The following BMPR1B variants were observed in gnomAD, a reference collection of about 807,000 sequenced individuals.
BMPR1B encodes bone morphogenetic protein receptor type 1B.
In BMPR1B, 12 loss-of-function variants were observed where a neutral mutation model predicts 59.1. The ratio of observed to expected loss-of-function variants is 0.20; its 90% CI spans 0.13 to 0.33. The LOEUF is 0.33. Among genes scored for constraint, BMPR1B ranks in the 10% least tolerant of loss-of-function variants. The pLI, the probability that BMPR1B is intolerant of heterozygous loss-of-function variation, is 1.00. For missense variants in BMPR1B, 550 were observed against 610.9 expected, an observed-to-expected ratio of 0.90 and a Z score of 1.05; for synonymous variants, 237 against 207.3, an observed-to-expected ratio of 1.14 and a Z score of -1.23.
chr4:94,931,173 C>G (rs1159090807), intron 2 of BMPR1B, among the ~76,000 whole-genome samples: 2 of 152,084 alleles, frequency 1.3e-5, no homozygotes, highest in South Asian at 2.1e-4. Flanking sequence ...TTCTCCTCCT[C>G]TATTGAAAAT....
Position 95,155,355 on chromosome 4 carries a change from A to C in BMPR1B, c.*682A>C, listed in dbSNP as rs1438126530. On this transcript the variant is annotated 3_prime_UTR_variant, in exon 13 of 13. Transcript: ENST00000515059. ...GCTTCAGGCAATATGGAACAAATGA[A>C]GGTTTATGTGACTCTAATAGAAGTA... 1 of 152,104 alleles carries C rather than the reference A, an allele frequency of 6.6e-6. No individual in the cohort carries two copies. The allele number at this position is 152,104 out of a possible 1,614,324, so 9.4% of individuals were successfully genotyped here. A position where few individuals can be genotyped will look rare whatever the true frequency, so the allele number is the denominator to read the frequency against.
chr4:94,900,303 T>G (rs1486771802), intron 2 of BMPR1B, among the ~76,000 whole-genome samples: 3 of 137,194 alleles, frequency 2.2e-5, no homozygotes, highest in Non-Finnish European at 4.6e-5. Context: ...TTACATAGCA[T>G]CCGGTAACAT....
At chr4:94,929,290 A>G (rs921692655) in intron 2 of BMPR1B, among the ~76,000 whole-genome samples, 1 of 152,076 alleles carries the variant, frequency 6.6e-6, no homozygotes. Context: ...GAGAAACTAA[A>G]CTAGAATCAC....
chr4:94,768,700 T>A (rs1315848962), intron 1 of BMPR1B, among the ~76,000 whole-genome samples: 1 of 149,558 alleles, frequency 6.7e-6, no homozygotes, highest in Non-Finnish European at 1.5e-5. Flanking sequence ...TTTGGTATTT[T>A]GTAGGCATAG....
intron 1 of BMPR1B, among the ~76,000 whole-genome samples, chr4:94,786,734 T>C (rs985980846): frequency 9.2e-5 from 14 of 151,938 alleles, no homozygotes; most frequent in Admixed American, 5.9e-4. Flanking sequence ...TTAGTAGAGA[T>C]GGGGCTTCAC....
intron 2 of BMPR1B, among the ~76,000 whole-genome samples, chr4:94,994,529 T>C (rs1194100544): frequency 2.6e-5 from 4 of 152,236 alleles, no homozygotes; most frequent in Non-Finnish European, 5.9e-5. Context: ...TTTCTGGAAT[T>C]AGACCTGGAA....
chr4:95,031,520 G>A (rs1487207929), intron 3 of BMPR1B, among the ~76,000 whole-genome samples: 1 of 151,988 alleles, frequency 6.6e-6, no homozygotes, highest in Non-Finnish European at 1.5e-5. Flanking sequence ...ATTCACAGAT[G>A]CAATCATAGT....
intron 1 of BMPR1B, among the ~76,000 whole-genome samples, chr4:94,763,580 C>T (rs1313855061): frequency 6.6e-6 from 1 of 152,184 alleles, no homozygotes; most frequent in African/African-American, 2.4e-5. Flanking sequence ...AAAAAAGATA[C>T]AATCCAGTAT....
intron 2 of BMPR1B, among the ~76,000 whole-genome samples, chr4:94,942,324 A>T (rs1199873788): frequency 6.6e-6 from 1 of 152,234 alleles, no homozygotes; most frequent in Non-Finnish European, 1.5e-5. Context: ...ATAAAGAAGT[A>T]AACAACATGT....
At chr4:94,832,422 G>A (rs1016736332) in intron 1 of BMPR1B, among the ~76,000 whole-genome samples, 3 of 152,138 alleles carry the variant, frequency 2.0e-5, no homozygotes, top group East Asian at 3.8e-4. Flanking sequence ...GGTTAATAGA[G>A]GAAAGTTTAT....
chr4:95,010,866 T>C (rs1306532083), intron 3 of BMPR1B, among the ~76,000 whole-genome samples: 1 of 152,172 alleles, frequency 6.6e-6, no homozygotes, highest in Non-Finnish European at 1.5e-5. Context: ...GTCACTCTCA[T>C]GAGGCATCGG....
intron 2 of BMPR1B, among the ~76,000 whole-genome samples, chr4:94,950,084 GTCT>G (rs1432098365): frequency 2.6e-5 from 4 of 152,172 alleles, no homozygotes; most frequent in South Asian, 2.1e-4. Context: ...CCACATAAAT[GTCT>G]TCTTTTGCAA....
intron 1 of BMPR1B, 86 bp from the exon 2 acceptor site, chr4:94,875,745 C>T (rs76172175): frequency 0.016 from 2,433 of 152,674 alleles, 44 homozygotes; most frequent in East Asian, 0.082. Flanking sequence ...TATGTATTAC[C>T]ATGATTCTGC....
chr4:94,851,175 T>G (rs916616680), intron 1 of BMPR1B, among the ~76,000 whole-genome samples: 7 of 152,148 alleles, frequency 4.6e-5, no homozygotes, highest in Non-Finnish European at 1.0e-4. Context: ...TCTGCAAATT[T>G]CATCAGTCAG....
chr4:95,152,925 G>T, intron 12 of BMPR1B, 152 bp downstream of exon 12: 1 of 1,033,528 alleles, frequency 9.7e-7, no homozygotes, highest in Non-Finnish European at 1.4e-6. Context: ...GAAGATAAGT[G>T]TAGTATGTTA....
chr4:95,026,134 C>CTTTCTTTCT (rs1724386263), intron 3 of BMPR1B, among the ~76,000 whole-genome samples: 3 of 147,612 alleles, frequency 2.0e-5, no homozygotes, highest in African/African-American at 2.5e-5. Flanking sequence ...TTCTTTCTTT[C>CTTTCTTTCT]TTTCTTTCTT....
intron 1 of BMPR1B, among the ~76,000 whole-genome samples, chr4:94,795,916 C>T (rs1301710258): frequency 2.6e-5 from 4 of 151,830 alleles, no homozygotes; most frequent in Middle Eastern, 3.4e-3. Context: ...TGATATCTGG[C>T]ATAGAGACGG....
At chr4:94,905,914 CTTTTTTT>C (rs34853734) in intron 2 of BMPR1B, among the ~76,000 whole-genome samples, 8 of 137,838 alleles carry the variant, frequency 5.8e-5, no homozygotes, top group East Asian at 2.1e-4. Flanking sequence ...TTTGTTTATT[CTTTTTTT>C]TTTTTTTGTC....
chr4:95,036,737 T>C (rs1455001644), intron 3 of BMPR1B, among the ~76,000 whole-genome samples: 1 of 147,446 alleles, frequency 6.8e-6, no homozygotes, highest in Admixed American at 6.9e-5. Context: ...ATTTACCTAG[T>C]AGTGAGATTG....
Sources: gnomAD v4.1 joint callset for allele counts (sites outside exome capture counted in the v4.1 genomes callset) on GRCh38, gnomAD v4.1.1 for gene constraint, MANE v1.5 for transcripts, NCBI Gene and HGNC (gene_info 2026-07-23, HGNC 2026-07-21) for gene names.